PAK5: variants seen among roughly 807,000 people sequenced by gnomAD.
The protein encoded by PAK5 is p21 (RAC1) activated kinase 5.
In PAK5, 16 loss-of-function variants were observed where a neutral mutation model predicts 65.9. The observed-to-expected ratio is 0.24, with a 90% CI of 0.16 to 0.37. PAK5 has a LOEUF of 0.37. Ranked by LOEUF, PAK5 falls within the 10% of genes least tolerant of loss-of-function variation. The probability of loss-of-function intolerance (pLI) is 1.00; values close to 1 mark genes in which losing one functional copy is unlikely to be tolerated. For synonymous variants in PAK5, 371 were observed against 354.9 expected, an observed-to-expected ratio of 1.05 and a Z score of -0.51; for missense variants, 785 against 903.9, an observed-to-expected ratio of 0.87 and a Z score of 1.69.
At chr20:9,644,833 G>C (rs1276432116) in intron 2 of PAK5, among the ~76,000 whole-genome samples, 1 of 152,128 alleles carries the variant, frequency 6.6e-6, no homozygotes, top group Non-Finnish European at 1.5e-5. Context: ...TTGAGCCACG[G>C]CTGACTCGCA....
In PAK5 at chr20:9,538,208, C is replaced by G. The variant is rs1052274510; in HGVS notation, c.*1254G>C. ...TTATCAACATTCAAGAAGATCTAGA[C>G]AGCAGCACGACTCTCCTATGTCGGA... On this transcript the variant is annotated 3_prime_UTR_variant, in exon 10 of 10. Transcript: ENST00000353224. 4.3e-6 allele frequency: 1 copy of G among 233,482 alleles called. No individual in the cohort carries two copies. Among genetic ancestry groups the G allele is most frequent in the Non-Finnish European group, 8.5e-6 (1 of 118,006 alleles). 14.5% of individuals were successfully genotyped at this position (233,482 alleles called of 1,614,324 possible).
At chr20:9,649,815 C>T (rs1019835472) in intron 2 of PAK5, among the ~76,000 whole-genome samples, 1 of 152,070 alleles carries the variant, frequency 6.6e-6, no homozygotes, top group Non-Finnish European at 1.5e-5. Flanking sequence ...AGACACTGCT[C>T]TATATGTACC....
At chr20:9,599,294 G>C (rs116143185) in intron 3 of PAK5, among the ~76,000 whole-genome samples, 13 of 152,188 alleles carry the variant, frequency 8.5e-5, no homozygotes, top group African/African-American at 2.9e-4. Flanking sequence ...CCTTTTGGCT[G>C]TCGTGAATAA....
At chr20:9,715,320 G>A (rs1280946599) in intron 1 of PAK5, among the ~76,000 whole-genome samples, 3 of 152,080 alleles carry the variant, frequency 2.0e-5, no homozygotes, top group South Asian at 2.1e-4. Context: ...GGCCATCAGA[G>A]AAATGCAAAT....
intron 6 of PAK5, among the ~76,000 whole-genome samples, chr20:9,562,446 G>A (rs2045605071): frequency 6.6e-6 from 1 of 152,160 alleles, no homozygotes; most frequent in Admixed American, 6.5e-5. Flanking sequence ...CAGAATTGCA[G>A]AATTTCTCTG....
chr20:9,710,762 A>G (rs1256788335), intron 2 of PAK5, among the ~76,000 whole-genome samples: 1 of 152,222 alleles, frequency 6.6e-6, no homozygotes, highest in Non-Finnish European at 1.5e-5. Context: ...AAATGAAGAC[A>G]CTTTCCCACA....
chr20:9,736,990 T>G (rs2048396737), intron 1 of PAK5, among the ~76,000 whole-genome samples: 3 of 151,814 alleles, frequency 2.0e-5, no homozygotes, highest in Admixed American at 2.0e-4. Context: ...AGGAAGACAG[T>G]AGAGCTAAAT....
chr20:9,603,998 T>C (rs1438668457), intron 3 of PAK5, among the ~76,000 whole-genome samples: 1 of 152,350 alleles, frequency 6.6e-6, no homozygotes, highest in East Asian at 1.9e-4. Flanking sequence ...TAAAAAATCC[T>C]ATAAGATTGG....
rs142625320 is a variant in PAK5, at chr20:9,673,154, A to G, written c.-11-28815T>C. 1.9e-3 allele frequency among the ~76,000 whole-genome samples: 284 copies of G among 152,130 alleles called. 1 individual carries two copies. Among genetic ancestry groups the G allele is most frequent in the African/African-American group, 6.6e-3 (273 of 41,514 alleles). ...ACATATTATTACACTTAAAATAACT[A>G]CAAAATACCAGTTGGCCTTCCTGTT... On this transcript the variant is annotated intron_variant, in intron 2 of 9. Transcript: ENST00000353224.
chr20:9,617,495 C>T (rs917981122), intron 3 of PAK5, among the ~76,000 whole-genome samples: 9 of 150,116 alleles, frequency 6.0e-5, no homozygotes, highest in African/African-American at 2.2e-4. Flanking sequence ...TATGATAAAA[C>T]TGAGGCTGAG....
At chr20:9,574,383 A>G (rs1041678389) in intron 4 of PAK5, among the ~76,000 whole-genome samples, 27 of 152,156 alleles carry the variant, frequency 1.8e-4, no homozygotes, top group Non-Finnish European at 3.7e-4. Context: ...AACCCCCCAC[A>G]GTTGCTGCTT....
intron 1 of PAK5, among the ~76,000 whole-genome samples, chr20:9,747,956 T>G (rs1232449824): frequency 1.3e-5 from 2 of 152,054 alleles, no homozygotes; most frequent in African/African-American, 4.8e-5. Flanking sequence ...CAGCCCAAAA[T>G]CTCCTTAAGC....
At chr20:9,819,887 T>C (rs897185965) in intron 1 of PAK5, among the ~76,000 whole-genome samples, 5 of 152,246 alleles carry the variant, frequency 3.3e-5, no homozygotes, top group Admixed American at 2.6e-4. Flanking sequence ...GATTTTGAGA[T>C]CAGTAGGATC....
intron 2 of PAK5, among the ~76,000 whole-genome samples, chr20:9,659,938 C>G (rs932607736): frequency 2.0e-5 from 3 of 152,248 alleles, no homozygotes. Flanking sequence ...ATTTGCTTCT[C>G]TATAACAGCA....
Position 9,695,941 on chromosome 20 carries a change from T to C in PAK5, c.-12+15345A>G, listed in dbSNP as rs147165849. On this transcript the variant is annotated intron_variant, in intron 2 of 9. Coordinates refer to ENST00000353224, the MANE Select transcript of PAK5 (RefSeq NM_177990.4). Reference sequence around the variant, plus strand: ...TGAAATGTGAGTCATACATGTTAACTTTAAATTTCCTAGTAGCCACATTAA... The same window carrying C: ...TGAAATGTGAGTCATACATGTTAACCTTAAATTTCCTAGTAGCCACATTAA... 3.0e-3 allele frequency among the ~76,000 whole-genome samples: 456 copies of C among 152,230 alleles called. 1 individual carries two copies. Among genetic ancestry groups the C allele is most frequent in the African/African-American group, 0.01 (426 of 41,576 alleles).
At chr20:9,571,883 G>C (rs60442046) in intron 4 of PAK5, among the ~76,000 whole-genome samples, 1,452 of 137,880 alleles carry the variant, frequency 0.011, 71 homozygotes, top group African/African-American at 0.037. Flanking sequence ...ATGGGGGGGG[G>C]GGATGTGGTC....
At chr20:9,628,311 A>AT (rs2046875820) in intron 3 of PAK5, among the ~76,000 whole-genome samples, 1 of 152,166 alleles carries the variant, frequency 6.6e-6, no homozygotes, top group African/African-American at 2.4e-5. Flanking sequence ...AAGAATCAAG[A>AT]TTTTTTTATT....
Position 9,539,459 on chromosome 20 carries a change from T to C in PAK5, c.*3A>G, listed in dbSNP as rs1268607911. On this transcript the variant is annotated 3_prime_UTR_variant, in exon 10 of 10. Transcript: ENST00000353224. ...AGCTTTGCCACCTACACGAATCCTC[T>C]GCTCAGTGATGCCTGTATTGTCTCA... 2 of 1,613,500 alleles carry C rather than the reference T, an allele frequency of 1.2e-6. No individual in the cohort carries two copies.
intron 3 of PAK5, among the ~76,000 whole-genome samples, chr20:9,584,103 A>G (rs1297287169): frequency 1.3e-5 from 2 of 152,160 alleles, no homozygotes; most frequent in African/African-American, 2.4e-5. Flanking sequence ...TCATGTATAT[A>G]ACCTGGGACC....
Sources: gnomAD v4.1 joint callset for allele counts (sites outside exome capture counted in the v4.1 genomes callset) on GRCh38, gnomAD v4.1.1 for gene constraint, MANE v1.5 for transcripts, NCBI Gene and HGNC (gene_info 2026-07-23, HGNC 2026-07-21) for gene names.